CPSF2: variants seen among roughly 807,000 people sequenced by gnomAD.
The protein encoded by CPSF2 is cleavage and polyadenylation specific factor 2.
In CPSF2, 51 loss-of-function variants were observed where a neutral mutation model predicts 84.2. The ratio of observed to expected loss-of-function variants is 0.61; its 90% CI spans 0.48 to 0.77. CPSF2 has a LOEUF of 0.77. CPSF2 is among the 30% of genes least tolerant of loss of function. The pLI, the probability that CPSF2 is intolerant of heterozygous loss-of-function variation, is 0.00. For missense variants in CPSF2, 641 were observed against 929.4 expected, an observed-to-expected ratio of 0.69 and a Z score of 4.03; for synonymous variants, 286 against 311.9, an observed-to-expected ratio of 0.92 and a Z score of 0.87.
chr14:92,129,738 A>G (rs1465242599), intron 2 of CPSF2, among the ~76,000 whole-genome samples: 1 of 152,148 alleles, frequency 6.6e-6, no homozygotes, highest in South Asian at 2.1e-4. Context: ...TATTTTTTAG[A>G]TACAAAGTCT....
intron 5 of CPSF2, among the ~76,000 whole-genome samples, chr14:92,134,614 A>G (rs74074427): frequency 0.022 from 3,314 of 152,334 alleles, 127 homozygotes; most frequent in African/African-American, 0.076. Flanking sequence ...ACTGTGTACA[A>G]TAAACAAAAG....
chr14:92,142,942 G>T, intron 8 of CPSF2, 62 bp from the exon 9 acceptor site: 1 of 1,349,602 alleles, frequency 7.4e-7, no homozygotes, highest in South Asian at 1.4e-5. Flanking sequence ...TTGACTATTA[G>T]AGAATATATT....
intron 1 of CPSF2, among the ~76,000 whole-genome samples, chr14:92,123,707 G>A (rs528596760): frequency 1.2e-3 from 184 of 152,320 alleles, no homozygotes; most frequent in African/African-American, 4.0e-3. Context: ...CAACATGCAC[G>A]ATTATTATTA....
At chr14:92,127,763 A>T (rs572198337) in intron 2 of CPSF2, among the ~76,000 whole-genome samples, 1 of 152,360 alleles carries the variant, frequency 6.6e-6, no homozygotes, top group Admixed American at 6.5e-5. Flanking sequence ...AACGGCACAC[A>T]TAGAGGGATT....
At position 92,135,491 on chromosome 14, in the gene CPSF2, G is replaced by A. The variant is rs919990875; in HGVS notation, c.540G>A (p.Arg180=). The A allele has an allele frequency of 1.2e-6, 2 of 1,612,542 alleles. No individual in the cohort carries two copies. The highest frequency in any genetic ancestry group is 2.2e-5 in the East Asian group (1 of 44,792). The change falls in exon 6 of 16, where the codon AGG becomes AGA. Residue 180 remains arginine, a synonymous_variant. Coordinates refer to ENST00000298875, the MANE Select transcript of CPSF2 (RefSeq NM_017437.3). Reference sequence around the variant, plus strand: ...ATGCAGTTGACTTCAACCACAAGAGGGAGATGTAGGTATATCAAGAGAAAA... The same window carrying A: ...ATGCAGTTGACTTCAACCACAAGAGAGAGATGTAGGTATATCAAGAGAAAA... ...IVYAVDFNHK[R]EIHLNGCSLE... is the part of the protein sequence containing the mutation.
chr14:92,144,842 C>G (rs1417614436), intron 9 of CPSF2, among the ~76,000 whole-genome samples: 3 of 152,174 alleles, frequency 2.0e-5, no homozygotes, highest in African/African-American at 7.2e-5. Flanking sequence ...ACAGCTCACT[C>G]TCAGCCTTCA....
chr14:92,135,743 G>C (rs2068990247), intron 6 of CPSF2, among the ~76,000 whole-genome samples: 1 of 152,220 alleles, frequency 6.6e-6, no homozygotes, highest in Non-Finnish European at 1.5e-5. Flanking sequence ...TCTCCCTGGA[G>C]ATGTTGCAAA....
chr14:92,150,322 A>G (rs1166602908), intron 9 of CPSF2, among the ~76,000 whole-genome samples: 4 of 150,938 alleles, frequency 2.7e-5, no homozygotes, highest in Non-Finnish European at 4.4e-5. Context: ...GGGTTTCACT[A>G]TGTTGGCCAG....
rs1180625953 is a variant in CPSF2 at position 92,130,220 on chromosome 14, A to T, written c.-34-731A>T. On this transcript the variant is annotated intron_variant, in intron 2 of 15. Coordinates refer to ENST00000298875, the MANE Select transcript of CPSF2 (RefSeq NM_017437.3). The stretch of plus-strand genomic sequence containing the variant: ...CCAATGCAAGGGTTCTTAATGTTAA[A>T]CTCCCTGAAAAGTTTGTGAATTTCT... 2.7e-5 allele frequency among the ~76,000 whole-genome samples: 4 copies of T among 150,540 alleles called. No homozygotes were observed. The East Asian group carries it at 5.9e-4, about 22-fold the overall frequency.
Position 92,171,515 on chromosome 14 carries a change from A to G in CPSF2, c.*9771A>G, listed in dbSNP as rs1344154740. 6.6e-6 allele frequency: 1 copy of G among 152,214 alleles called. No individual in the cohort carries two copies. Among genetic ancestry groups the G allele is most frequent in the African/African-American group, 2.4e-5 (1 of 41,438 alleles). The allele number at this position is 152,214 out of a possible 1,614,324, so 9.4% of individuals were successfully genotyped here. A position where few individuals can be genotyped will look rare whatever the true frequency, so the allele number is the denominator to read the frequency against. Reference sequence around the variant, plus strand: ...CACTTCCTTGCTTTCTGGCACCACAAGATGTTCCAGGCTCGTCTTCTATTT... The same window carrying G: ...CACTTCCTTGCTTTCTGGCACCACAGGATGTTCCAGGCTCGTCTTCTATTT... On this transcript the variant is annotated 3_prime_UTR_variant, in exon 16 of 16. Transcript: ENST00000298875.
At chr14:92,145,475 C>T (rs1232745704) in intron 9 of CPSF2, among the ~76,000 whole-genome samples, 1 of 152,120 alleles carries the variant, frequency 6.6e-6, no homozygotes, top group East Asian at 1.9e-4. Flanking sequence ...ATCTGTCTGC[C>T]AACTCTACTT....
chr14:92,146,160 C>T lies in CPSF2; in HGVS notation c.1140+2866C>T, dbSNP rs183232827. 7.8e-4 allele frequency among the ~76,000 whole-genome samples: 118 copies of T among 152,230 alleles called. 1 individual carries two copies. The highest frequency in any genetic ancestry group is 3.4e-4 in the Non-Finnish European group (23 of 68,014). ...GCACCTGTCTAGCCTGTACCCTGAT[C>T]GAGAAATAGAATATTTCTGTGGCAT... is the stretch of plus-strand genomic sequence containing the variant. On this transcript the variant is annotated intron_variant, in intron 9 of 15. Coordinates refer to ENST00000298875, the MANE Select transcript of CPSF2 (RefSeq NM_017437.3).
At chr14:92,122,456 T>TTGGCTTCG (rs1472610046) in intron 1 of CPSF2, 1 of 156,708 alleles carries the variant, frequency 6.4e-6, no homozygotes, top group Non-Finnish European at 1.4e-5. Context: ...CTTTAGCTCC[T>TTGGCTTCG]TGGCTTCGTG....
intron 7 of CPSF2, among the ~76,000 whole-genome samples, chr14:92,141,079 G>C (rs1331023662): frequency 6.6e-6 from 1 of 152,002 alleles, no homozygotes; most frequent in African/African-American, 2.4e-5. Flanking sequence ...TTATTCTATA[G>C]GCATACATAC....
chr14:92,140,394 G>T (rs1319369553), intron 7 of CPSF2, among the ~76,000 whole-genome samples: 1 of 150,254 alleles, frequency 6.7e-6, no homozygotes, highest in Non-Finnish European at 1.5e-5. Flanking sequence ...GAAGCCAGCA[G>T]TTCAAGACCA....
chr14:92,159,000 A>C lies in CPSF2; in HGVS notation c.1839A>C (p.Ser613=). The C allele has an allele frequency of 6.2e-7, 1 of 1,612,274 alleles. No individual in the cohort carries two copies. Among genetic ancestry groups the C allele is most frequent in the Non-Finnish European group, 8.5e-7 (1 of 1,178,920 alleles). The change falls in exon 14 of 16, where the codon TCA becomes TCC. Residue 613 remains serine, a synonymous_variant. Transcript: ENST00000298875. ...THIYQVRLKD[S]LVSSLQFCKA... is the part of the protein sequence containing the mutation. ...ATGTCTAGGTGAGGTTAAAAGACTC[A>C]CTTGTCAGCTCTCTTCAGTTTTGTA... is the stretch of plus-strand genomic sequence containing the variant.
At position 92,156,559 on chromosome 14, in the gene CPSF2, A is replaced by G; in HGVS notation, c.1523A>G (p.Asp508Gly). 1 of 1,612,666 alleles carries G rather than the reference A, an allele frequency of 6.2e-7. No individual in the cohort carries two copies. The highest frequency in any genetic ancestry group is 8.5e-7 in the Non-Finnish European group (1 of 1,178,880). Reference sequence around the variant, plus strand: ...TTAGAATCTGGTTTGACAAATGGAGATGAACCTATGGATCAGGATTTATCT... The same window carrying G: ...TTAGAATCTGGTTTGACAAATGGAGGTGAACCTATGGATCAGGATTTATCT... ...SKLESGLTNG[D>G]EPMDQDLSDV... The change falls in exon 12 of 16, where the codon GAT becomes GGT. Residue 508 changes from aspartate to glycine, a missense_variant. Around this residue, in one of 2 missense-constraint regions of CPSF2, gnomAD observed 430 missense variants for 553.6 expected, o/e 0.78. Transcript: ENST00000298875.
At position 92,122,002 on chromosome 14, in the gene CPSF2, T is replaced by TA. The variant is rs1028831415; in HGVS notation, c.-220_-219insA. 6 of 658,820 alleles carry TA rather than the reference T, an allele frequency of 9.1e-6. No homozygotes were observed. The highest frequency in any genetic ancestry group is 1.6e-5 in the Non-Finnish European group (6 of 385,664). 40.8% of individuals were successfully genotyped at this position (658,820 alleles called of 1,614,324 possible). A position where few individuals can be genotyped will look rare whatever the true frequency, so the allele number is the denominator to read the frequency against. On this transcript the variant is annotated 5_prime_UTR_variant, in exon 1 of 16. The change creates a premature stop within an existing upstream ORF in the 5' untranslated region. Transcript: ENST00000298875. ...CCAGCTCCAAAATGGCGGCTGCCACTGTGGGGCTTCTGCCGGCCGGTAGTC... is the reference window on the plus strand; with the variant it reads ...CCAGCTCCAAAATGGCGGCTGCCACTAGTGGGGCTTCTGCCGGCCGGTAGTC...
Position 92,130,952 on chromosome 14 carries a change from C to A in CPSF2, c.-33C>A. The stretch of plus-strand genomic sequence containing the variant: ...TTATGTTTTCATTTCATTTGAAAGA[C>A]TCTTCTAGCTTGCTGTTTCTGGACC... On this transcript the variant is annotated splice_region_variant and 5_prime_UTR_variant, in exon 3 of 16. Coordinates refer to ENST00000298875, the MANE Select transcript of CPSF2 (RefSeq NM_017437.3). 6.3e-7 allele frequency: 1 copy of A among 1,577,650 alleles called. No homozygotes were observed. Among genetic ancestry groups the A allele is most frequent in the Non-Finnish European group, 8.6e-7 (1 of 1,162,472 alleles).
Sources: gnomAD v4.1 joint callset for allele counts (sites outside exome capture counted in the v4.1 genomes callset) on GRCh38, gnomAD v4.1.1 for gene constraint, gnomAD v4.1.1 regional missense constraint, MANE v1.5 for transcripts, NCBI Gene and HGNC (gene_info 2026-07-23, HGNC 2026-07-21) for gene names.